DLG5: variants seen among roughly 807,000 people sequenced by gnomAD.
The protein encoded by DLG5 is disks large homolog 5.
Under a neutral mutation model 189.8 loss-of-function variants are expected in DLG5, and 48 were observed. That is an observed-to-expected ratio of 0.25 (90% CI 0.20 to 0.32). The LOEUF is 0.32. Among genes scored for constraint, DLG5 ranks in the 10% least tolerant of loss-of-function variants. The pLI, the probability that DLG5 is intolerant of heterozygous loss-of-function variation, is 1.00. For synonymous variants in DLG5, 1,016 were observed against 1,054.1 expected, an observed-to-expected ratio of 0.96 and a Z score of 0.70; for missense variants, 2,160 against 2,544.7, an observed-to-expected ratio of 0.85 and a Z score of 3.25.
chr10:77,837,937 G>A (rs1036208006), intron 7 of DLG5, among the ~76,000 whole-genome samples: 1 of 152,334 alleles, frequency 6.6e-6, no homozygotes, highest in African/African-American at 2.4e-5. Flanking sequence ...AGCCCCAGAG[G>A]GCCAGAGCCC....
the DLG5 span, among the ~76,000 whole-genome samples, chr10:77,939,260 C>A: frequency 6.6e-6 from 1 of 152,126 alleles, no homozygotes; most frequent in Non-Finnish European, 1.5e-5. Flanking sequence ...GGGGAATAAG[C>A]CAGAAATCAA....
chr10:77,795,016 GT>G, intron 29 of DLG5, 58 bp from the exon 30 acceptor site: 1 of 1,443,246 alleles, frequency 6.9e-7, no homozygotes, highest in Non-Finnish European at 9.6e-7. Context: ...CCAGCCCCCT[GT>G]CCTGCCACCA....
rs113678449 is a variant in DLG5, at chr10:77,838,330, C to T, written c.1438-2408G>A. ...AGTGGCCTACAGCTTCCAGTGGTGC[C>T]GACCTCAACTCCCCAGGCAGTTCCT... On this transcript the variant is annotated intron_variant, in intron 7 of 31. Transcript: ENST00000372391. Among the ~76,000 whole-genome samples, 753 of 152,236 alleles carry T rather than the reference C, an allele frequency of 4.9e-3. 9 individuals are homozygous for T. The highest frequency in any genetic ancestry group is 0.017 in the African/African-American group (689 of 41,542).
intron 1 of DLG5, among the ~76,000 whole-genome samples, chr10:77,886,317 A>G (rs7918349): frequency 0.036 from 5,434 of 151,550 alleles, 323 homozygotes; most frequent in African/African-American, 0.13. Context: ...ACTGACCCTC[A>G]GCCAGAAATG....
At chr10:77,924,634 C>G (rs1276267172) in intron 1 of DLG5, among the ~76,000 whole-genome samples, 1 of 152,174 alleles carries the variant, frequency 6.6e-6, no homozygotes, top group Non-Finnish European at 1.5e-5. Flanking sequence ...CTGTCCTTAT[C>G]CTCATGGCCA....
chr10:77,888,750 T>C (rs1209472575), intron 1 of DLG5, among the ~76,000 whole-genome samples: 2 of 152,170 alleles, frequency 1.3e-5, no homozygotes. Flanking sequence ...CCCGTTAATA[T>C]GTACATGTTC....
intron 1 of DLG5, among the ~76,000 whole-genome samples, chr10:77,920,018 T>C (rs1228183704): frequency 2.0e-5 from 3 of 152,206 alleles, no homozygotes; most frequent in Non-Finnish European, 4.4e-5. Context: ...TATCTTGTAC[T>C]AGGCTCTATT....
At chr10:77,834,188 G>T in intron 8 of DLG5, 149 bp from the exon 9 acceptor site, 3 of 1,165,482 alleles carry the variant, frequency 2.6e-6, no homozygotes, top group East Asian at 2.7e-5. Context: ...GGAATCTAGG[G>T]GTAAGACCAC....
chr10:77,883,007 C>T (rs2154577419), intron 1 of DLG5, among the ~76,000 whole-genome samples: 1 of 152,226 alleles, frequency 6.6e-6, no homozygotes, highest in Non-Finnish European at 1.5e-5. Context: ...GTGGACCACA[C>T]CTCACCTAGT....
chr10:77,794,609 T>C (rs1840813946), intron 30 of DLG5, among the ~76,000 whole-genome samples: 1 of 152,060 alleles, frequency 6.6e-6, no homozygotes, highest in African/African-American at 2.4e-5. Flanking sequence ...CAAAAAACAG[T>C]GGCAGCACCC....
intron 7 of DLG5, among the ~76,000 whole-genome samples, chr10:77,838,258 G>A (rs1184727252): frequency 2.6e-5 from 4 of 152,160 alleles, no homozygotes; most frequent in Admixed American, 6.5e-5. Context: ...AGCAGGGCCC[G>A]TCTAGGAAAG....
intron 1 of DLG5, among the ~76,000 whole-genome samples, chr10:77,915,738 A>AT (rs1406822827): frequency 1.3e-5 from 2 of 152,260 alleles, no homozygotes; most frequent in African/African-American, 4.8e-5. Flanking sequence ...GAAAGTCTCA[A>AT]TAGCCTTGTT....
chr10:77,924,112 G>T (rs553034912), intron 1 of DLG5, among the ~76,000 whole-genome samples: 1 of 152,098 alleles, frequency 6.6e-6, no homozygotes, highest in Non-Finnish European at 1.5e-5. Flanking sequence ...AGATCTGCCC[G>T]CCTCGGCCTC....
At chr10:77,802,792 C>T (rs951036149) in intron 27 of DLG5, among the ~76,000 whole-genome samples, 1 of 152,106 alleles carries the variant, frequency 6.6e-6, no homozygotes, top group Admixed American at 6.6e-5. Context: ...CCCAGCTACT[C>T]GGCAGGCTGA....
intron 5 of DLG5, among the ~76,000 whole-genome samples, chr10:77,851,107 G>C (rs1348611959): frequency 6.6e-6 from 1 of 152,256 alleles, no homozygotes; most frequent in Non-Finnish European, 1.5e-5. Context: ...CCCCAGGGCA[G>C]AGAAGGGGCT....
intron 2 of DLG5, among the ~76,000 whole-genome samples, chr10:77,865,205 C>T (rs577043269): frequency 7.9e-5 from 12 of 152,298 alleles, no homozygotes; most frequent in East Asian, 5.8e-4. Flanking sequence ...CCGTGTTCAC[C>T]GTGATCCCTA....
At chr10:77,930,692 C>G (rs1490303936), upstream of DLG5, among the ~76,000 whole-genome samples, 1 of 151,726 alleles carries the variant, frequency 6.6e-6, no homozygotes, top group Non-Finnish European at 1.5e-5. Context: ...GAGTCTTGCT[C>G]TGTCACCCAG....
chr10:77,819,865 TCAGCCC>T, intron 16 of DLG5, 24 bp downstream of exon 16: 4 of 1,526,112 alleles, frequency 2.6e-6, no homozygotes, highest in Non-Finnish European at 3.5e-6. Flanking sequence ...ACACCGACCC[TCAGCCC>T]CAGCCCCTGG....
intron 7 of DLG5, among the ~76,000 whole-genome samples, chr10:77,841,016 T>G (rs1483467835): frequency 6.6e-6 from 1 of 152,236 alleles, no homozygotes; most frequent in Non-Finnish European, 1.5e-5. Flanking sequence ...CTTTGAAAGC[T>G]GCATTCTAAC....
Sources: gnomAD v4.1 joint callset for allele counts (sites outside exome capture counted in the v4.1 genomes callset) on GRCh38, gnomAD v4.1.1 for gene constraint, MANE v1.5 for transcripts, NCBI Gene and HGNC (gene_info 2026-07-23, HGNC 2026-07-21) for gene names.